Variants in PAH observed in about 807,000 individuals in gnomAD.
PAH encodes phenylalanine hydroxylase.
A neutral mutation model predicts 62.0 loss-of-function variants in PAH; 64 were observed. The ratio of observed to expected loss-of-function variants is 1.03; its 90% CI spans 0.84 to 1.27. PAH has a LOEUF of 1.27. PAH is among the 50% of genes most tolerant of loss of function. The pLI is 0.00. For missense variants in PAH, 579 were observed against 542.8 expected, an observed-to-expected ratio of 1.07 and a Z score of -0.66; for synonymous variants, 195 against 196.2, an observed-to-expected ratio of 0.99 and a Z score of 0.05.
At chr12:102,949,729 A>G (rs1879664757) in intron 1 of PAH, among the ~76,000 whole-genome samples, 1 of 152,156 alleles carries the variant, frequency 6.6e-6, no homozygotes, top group African/African-American at 2.4e-5. Context: ...TGTTTGCATA[A>G]CAAGTCCACC....
intron 1 of PAH, among the ~76,000 whole-genome samples, chr12:102,933,422 G>A (rs1286385629): frequency 1.3e-5 from 2 of 152,058 alleles, no homozygotes; most frequent in African/African-American, 2.4e-5. Flanking sequence ...TGTGAATAGT[G>A]CTGCAATAAA....
intron 3 of PAH, among the ~76,000 whole-genome samples, chr12:102,893,581 G>C (rs1414874867): frequency 6.6e-6 from 1 of 152,122 alleles, no homozygotes; most frequent in African/African-American, 2.4e-5. Context: ...ACCAGGCACT[G>C]TTCTAAGCAC....
At chr12:102,912,169 T>G (rs956915761) in intron 2 of PAH, among the ~76,000 whole-genome samples, 21 of 152,214 alleles carry the variant, frequency 1.4e-4, no homozygotes, top group Non-Finnish European at 2.8e-4. Flanking sequence ...CTAAAAGTCC[T>G]ATAATAAAGA....
At chr12:102,881,636 G>A (rs1457044627) in intron 3 of PAH, among the ~76,000 whole-genome samples, 1 of 152,032 alleles carries the variant, frequency 6.6e-6, no homozygotes, top group African/African-American at 2.4e-5. Context: ...CCTACCCCCT[G>A]GCAACCACCA....
chr12:102,920,435 C>T (rs1878523091), upstream of PAH, among the ~76,000 whole-genome samples: 2 of 152,192 alleles, frequency 1.3e-5, no homozygotes, highest in Non-Finnish European at 2.9e-5. Context: ...AAGTTGTGTA[C>T]TTGGCAAACT....
chr12:102,913,898 C>A, intron 1 of PAH: 2 of 699,374 alleles, frequency 2.9e-6, no homozygotes, highest in Non-Finnish European at 5.2e-6. Flanking sequence ...ACATAAAATT[C>A]TATGTGTGTC....
chr12:102,898,713 C>T (rs1244628158), intron 2 of PAH, among the ~76,000 whole-genome samples: 2 of 152,154 alleles, frequency 1.3e-5, no homozygotes, highest in African/African-American at 4.8e-5. Flanking sequence ...GGTGCTTGGC[C>T]GCAAGTAGCT....
At chr12:102,958,361 GGCCGCAGCC>G (rs1289700150) in exon 1 of PAH, 14 of 1,439,004 alleles carry the variant, frequency 9.7e-6, no homozygotes, top group Non-Finnish European at 1.3e-5. Flanking sequence ...CAGCCGCGGC[GGCCGCAGCC>G]GCCGCAGCGG....
intron 3 of PAH, among the ~76,000 whole-genome samples, chr12:102,892,463 C>G (rs768573152): frequency 3.3e-5 from 5 of 152,184 alleles, no homozygotes; most frequent in Non-Finnish European, 7.3e-5. Flanking sequence ...GAAAACTTAT[C>G]TTCACACAAA....
At chr12:102,880,256 C>G (rs1265522367) in intron 3 of PAH, among the ~76,000 whole-genome samples, 1 of 152,212 alleles carries the variant, frequency 6.6e-6, no homozygotes, top group African/African-American at 2.4e-5. Context: ...CACTGAACCT[C>G]TGTTGTCAGT....
intron 5 of PAH, among the ~76,000 whole-genome samples, chr12:102,865,141 A>T (rs1194479608): frequency 6.6e-6 from 1 of 152,030 alleles, no homozygotes; most frequent in Non-Finnish European, 1.5e-5. Flanking sequence ...CACCAATTTC[A>T]CTCTTCTTCA....
intron 1 of PAH, among the ~76,000 whole-genome samples, chr12:102,956,324 T>C (rs1879909993): frequency 6.6e-6 from 1 of 152,190 alleles, no homozygotes; most frequent in South Asian, 2.1e-4. Context: ...CAGCGCCGCG[T>C]CCCCAGACGT....
chr12:102,903,967 C>T (rs546889699), intron 2 of PAH, among the ~76,000 whole-genome samples: 17 of 152,214 alleles, frequency 1.1e-4, no homozygotes, highest in Non-Finnish European at 2.2e-4. Flanking sequence ...TCCTAAAAGG[C>T]ATGGACATGA....
chr12:102,839,297 T>TG, intron 12 of PAH, 79 bp from the exon 13 acceptor site: 1 of 1,396,392 alleles, frequency 7.2e-7, no homozygotes, highest in Non-Finnish European at 1.0e-6. Context: ...TGCAAAGCAC[T>TG]AGGGGATAAG....
chr12:102,932,401 CTG>C (rs1384616065), intron 1 of PAH, among the ~76,000 whole-genome samples: 1 of 152,202 alleles, frequency 6.6e-6, no homozygotes, highest in Non-Finnish European at 1.5e-5. Flanking sequence ...GCACCAAACT[CTG>C]TGGGCTCCTT....
chr12:102,875,336 T>C (rs1291958186), intron 4 of PAH, among the ~76,000 whole-genome samples: 6 of 152,150 alleles, frequency 3.9e-5, no homozygotes, highest in Admixed American at 6.5e-5. Flanking sequence ...TCTCTTTGCA[T>C]TGGAGTCTTC....
intron 1 of PAH, among the ~76,000 whole-genome samples, chr12:102,944,013 A>G (rs537536872): frequency 8.5e-4 from 130 of 152,332 alleles, no homozygotes; most frequent in Non-Finnish European, 1.7e-3. Context: ...ACCTGTAGGT[A>G]TAGTCCCTGA....
At chr12:102,926,625 C>T (rs1347841390) in intron 1 of PAH, among the ~76,000 whole-genome samples, 1 of 151,794 alleles carries the variant, frequency 6.6e-6, no homozygotes, top group Non-Finnish European at 1.5e-5. Context: ...ATTCCAGAGA[C>T]TATTTTTCAA....
In PAH at chr12:102,957,312, C is replaced by G. The variant is rs952782783; in HGVS notation, c.-96+883G>C. 1.3e-5 allele frequency among the ~76,000 whole-genome samples: 2 copies of G among 152,142 alleles called. No homozygotes were observed. Among genetic ancestry groups the G allele is most frequent in the African/African-American group, 4.8e-5 (2 of 41,428 alleles). On this transcript the variant is annotated intron_variant, in intron 1 of 4. Transcript: ENST00000551337. The surrounding 1 kb of genome is among the most constrained non-coding windows in gnomAD (Gnocchi z 4.1). ...CACCTATACACCTCAATTCCTAGAG[C>G]CATTTGTCCCTCCTGTGACGCCCCC...
Sources: allele counts gnomAD v4.1 joint callset (sites outside exome capture counted in the v4.1 genomes callset), GRCh38; gene constraint gnomAD v4.1.1; non-coding constraint Gnocchi (gnomAD v3.1); transcripts MANE v1.5; gene names NCBI Gene and HGNC (gene_info 2026-07-23, HGNC 2026-07-21).